Variants in WFDC5 observed in about 807,000 individuals in gnomAD.
The protein encoded by WFDC5 is WAP four-disulfide core domain 5.
In WFDC5, 15 loss-of-function variants were observed where a neutral mutation model predicts 15.7. The ratio of observed to expected loss-of-function variants is 0.96; its 90% CI spans 0.64 to 1.47. WFDC5 has a LOEUF of 1.47. Among genes scored for constraint, WFDC5 ranks in the 40% most tolerant of loss-of-function variants. The pLI is 0.00. For missense variants in WFDC5, 280 were observed against 258.0 expected, an observed-to-expected ratio of 1.09 and a Z score of -0.59; for synonymous variants, 109 against 107.7, an observed-to-expected ratio of 1.01 and a Z score of -0.07.
chr20:45,114,867 A>ACACG (rs1161053846), intron 1 of WFDC5, 132 bp downstream of exon 1: 22 of 875,786 alleles, frequency 2.5e-5, no homozygotes, highest in Non-Finnish European at 3.8e-5. Context: ...ACACATACAC[A>ACACG]CACGCACGCA....
chr20:45,115,075 G>T (rs1354862981), exon 1 of WFDC5: 1 of 1,612,952 alleles, frequency 6.2e-7, no homozygotes, highest in Non-Finnish European at 8.5e-7. Context: ...GAAGGCTCTG[G>T]GTCCTCATAT....
At position 45,110,794 on chromosome 20, in the gene WFDC5, A is replaced by G. The variant is rs1981597041; in HGVS notation, c.86-19T>C. On this transcript the variant is annotated intron_variant, in intron 1 of 3. Coordinates refer to ENST00000307971, the Ensembl canonical transcript of WFDC5. ...GATTTCTCTGTAAGAGAATCTCCTA[A>G]TATTGCAGCTGGAGGAAGCTCACGG... 3 of 1,613,156 alleles carry G rather than the reference A, an allele frequency of 1.9e-6. No homozygotes were observed. The highest frequency in any genetic ancestry group is 2.5e-6 in the Non-Finnish European group (3 of 1,179,968).
At chr20:45,115,023 C>A (rs779768408) in exon 1 of WFDC5, 53 of 1,613,724 alleles carry the variant, frequency 3.3e-5, no homozygotes, top group South Asian at 2.1e-4. Context: ...CCAAAGACAG[C>A]AGGCAGCTGA....
chr20:45,110,404 G>A (rs1299911310), exon 3 of WFDC5: 3 of 1,602,164 alleles, frequency 1.9e-6, no homozygotes, highest in Non-Finnish European at 1.7e-6. Flanking sequence ...CCGTACCTCT[G>A]GCAGGATCCC....
At chr20:45,112,442 A>AAAAGCCTGGCGTGTGC (rs1981646959) in intron 1 of WFDC5, among the ~76,000 whole-genome samples, 1 of 152,160 alleles carries the variant, frequency 6.6e-6, no homozygotes. Flanking sequence ...AGGTGGGGAT[A>AAAAGCCTGGCGTGTGC]AAAGCCTGGC....
At chr20:45,114,972 C>T in intron 1 of WFDC5, 27 bp downstream of exon 1, 8 of 1,610,740 alleles carry the variant, frequency 5.0e-6, no homozygotes, top group Non-Finnish European at 6.8e-6. Flanking sequence ...ATCTGGTCCC[C>T]CCAGCAGAGG....
At chr20:45,113,471 G>A (rs1981675647) in intron 1 of WFDC5, among the ~76,000 whole-genome samples, 1 of 152,226 alleles carries the variant, frequency 6.6e-6, no homozygotes, top group African/African-American at 2.4e-5. Context: ...CCTCTGAGCA[G>A]CTGGGCTGAA....
At chr20:45,115,013 C>A in exon 1 of WFDC5, 1 of 1,613,726 alleles carries the variant, frequency 6.2e-7, no homozygotes. Flanking sequence ...CTTCTTCCTG[C>A]CAAAGACAGC....
At chr20:45,115,687 T>C (rs548868216), upstream of WFDC5, among the ~76,000 whole-genome samples, 1 of 152,228 alleles carries the variant, frequency 6.6e-6, no homozygotes, top group African/African-American at 2.4e-5. Flanking sequence ...TGGCTTCTGA[T>C]AGAACTGCCC....
chr20:45,111,221 C>T (rs1981608318), intron 1 of WFDC5, among the ~76,000 whole-genome samples: 1 of 152,122 alleles, frequency 6.6e-6, no homozygotes, highest in Non-Finnish European at 1.5e-5. Context: ...TAGGACTCAG[C>T]AGAAACATCG....
chr20:45,113,446 T>C (rs1017912766), intron 1 of WFDC5, among the ~76,000 whole-genome samples: 13 of 152,252 alleles, frequency 8.5e-5, no homozygotes, highest in Non-Finnish European at 1.5e-4. Flanking sequence ...CGGTTTCTGC[T>C]GTGCCAGCTC....
At chr20:45,115,699 C>T (rs969253730), upstream of WFDC5, among the ~76,000 whole-genome samples, 1 of 152,166 alleles carries the variant, frequency 6.6e-6, no homozygotes. Flanking sequence ...GAACTGCCCT[C>T]TTCCTGGGGC....
chr20:45,113,790 T>G (rs572705461), intron 1 of WFDC5, among the ~76,000 whole-genome samples: 3 of 152,014 alleles, frequency 2.0e-5, no homozygotes, highest in Non-Finnish European at 4.4e-5. Flanking sequence ...GCTGTAATAG[T>G]TGGTAAAGTG....
chr20:45,112,358 G>A (rs909089525), intron 1 of WFDC5, among the ~76,000 whole-genome samples: 4 of 152,214 alleles, frequency 2.6e-5, no homozygotes, highest in Non-Finnish European at 5.9e-5. Context: ...GGCTGGCCTT[G>A]GGGAATGGAC....
At chr20:45,110,376 G>T (rs1405908470) in exon 3 of WFDC5, 7 of 1,580,560 alleles carry the variant, frequency 4.4e-6, no homozygotes, top group Non-Finnish European at 6.0e-6. Flanking sequence ...GGAGGCACCT[G>T]CCCTGGGCAC....
chr20:45,113,190 C>T (rs954624766), intron 1 of WFDC5, among the ~76,000 whole-genome samples: 5 of 152,202 alleles, frequency 3.3e-5, no homozygotes, highest in Admixed American at 2.0e-4. Flanking sequence ...ATCAGAGACA[C>T]CCAGACGTTT....
intron 1 of WFDC5, among the ~76,000 whole-genome samples, chr20:45,114,080 C>A (rs749244293): frequency 4.6e-5 from 7 of 152,230 alleles, no homozygotes; most frequent in Non-Finnish European, 1.0e-4. Flanking sequence ...TGAAAATAGT[C>A]CTGTCCTCAC....
intron 3 of WFDC5, 146 bp from the exon 4 acceptor site, chr20:45,110,159 G>A (rs1981570658): frequency 7.6e-7 from 1 of 1,307,828 alleles, no homozygotes; most frequent in African/African-American, 1.5e-5. Context: ...GCAAACAGAA[G>A]CCCAGAGCAG....
intron 1 of WFDC5, among the ~76,000 whole-genome samples, chr20:45,111,909 T>C (rs1007239989): frequency 6.6e-6 from 1 of 152,110 alleles, no homozygotes; most frequent in Admixed American, 6.5e-5. Context: ...TTCAATTCAA[T>C]CCAGCATCAG....
Sources: gnomAD v4.1 joint callset for allele counts (sites outside exome capture counted in the v4.1 genomes callset) on GRCh38, gnomAD v4.1.1 for gene constraint, MANE v1.5 for transcripts, NCBI Gene and HGNC (gene_info 2026-07-23, HGNC 2026-07-21) for gene names.